The following CCDC18 variants were observed in gnomAD, a reference collection of about 807,000 sequenced individuals.
CCDC18 encodes coiled-coil domain-containing protein 18.
In CCDC18, 157 loss-of-function variants were observed where a neutral mutation model predicts 196.0. That is an observed-to-expected ratio of 0.80 (90% CI 0.70 to 0.91). The LOEUF (loss-of-function observed/expected upper bound fraction) is 0.91. Among genes scored for constraint, CCDC18 ranks in the 40% least tolerant of loss-of-function variants. The probability of loss-of-function intolerance (pLI) is 0.00; values close to 1 mark genes in which losing one functional copy is unlikely to be tolerated. For synonymous variants in CCDC18, 482 were observed against 529.2 expected, an observed-to-expected ratio of 0.91 and a Z score of 1.22; for missense variants, 1,465 against 1,611.6, an observed-to-expected ratio of 0.91 and a Z score of 1.56.
chr1:93,262,051 C>T (rs188657721), intron 26 of CCDC18: 1 of 152,172 alleles, frequency 6.6e-6, no homozygotes, highest in East Asian at 1.9e-4. Context: ...ACTTTTAAAC[C>T]ATCAGATCTC....
At chr1:93,248,266 A>C (rs992063339) in intron 23 of CCDC18, among the ~76,000 whole-genome samples, 8 of 151,730 alleles carry the variant, frequency 5.3e-5, no homozygotes, top group African/African-American at 1.9e-4. Flanking sequence ...CACACACCTC[A>C]GCCTCCCAAA....
chr1:93,231,492 CTT>C (rs1390711769), intron 17 of CCDC18, among the ~76,000 whole-genome samples: 1 of 152,024 alleles, frequency 6.6e-6, no homozygotes, highest in Non-Finnish European at 1.5e-5. Context: ...ACAATCATCA[CTT>C]ATTAAATCTT....
chr1:93,239,523 G>A (rs747011175), intron 20 of CCDC18, 50 bp downstream of exon 20: 15 of 1,545,558 alleles, frequency 9.7e-6, no homozygotes, highest in South Asian at 1.2e-5. Flanking sequence ...TGTACTTAAC[G>A]AAGTGAAATA....
intron 21 of CCDC18, among the ~76,000 whole-genome samples, chr1:93,241,016 G>A (rs2100850308): frequency 6.6e-6 from 1 of 152,070 alleles, no homozygotes. Context: ...GGAGTGCAGT[G>A]GCATGATCTC....
chr1:93,276,607 T>A (rs992875012), intron 28 of CCDC18, among the ~76,000 whole-genome samples: 1 of 151,244 alleles, frequency 6.6e-6, no homozygotes, highest in Non-Finnish European at 1.5e-5. Context: ...GAAAAAAAAA[T>A]GTTAAACCAG....
chr1:93,207,779 CATT>C, intron 9 of CCDC18, among the ~76,000 whole-genome samples: 1 of 152,246 alleles, frequency 6.6e-6, no homozygotes, highest in African/African-American at 2.4e-5. Flanking sequence ...ATTTTGGACC[CATT>C]TATAATTAGT....
At chr1:93,199,484 C>G (rs1199719911) in intron 6 of CCDC18, among the ~76,000 whole-genome samples, 1 of 152,246 alleles carries the variant, frequency 6.6e-6, no homozygotes, top group African/African-American at 2.4e-5. Context: ...GAGGGTGTCA[C>G]AGCCCTGGCT....
At chr1:93,225,303 C>T (rs551843356) in intron 16 of CCDC18, among the ~76,000 whole-genome samples, 3 of 152,230 alleles carry the variant, frequency 2.0e-5, no homozygotes, top group African/African-American at 7.2e-5. Context: ...ACGAAAAGTA[C>T]CAAATTTGAG....
intron 7 of CCDC18, 115 bp from the exon 8 acceptor site, chr1:93,205,395 A>T (rs1654557501): frequency 1.2e-6 from 1 of 857,400 alleles, no homozygotes; most frequent in Non-Finnish European, 1.7e-6. Flanking sequence ...ACTTAAATGT[A>T]TGAAATTCTT....
chr1:93,184,498 T>C (rs1049386665), intron 3 of CCDC18, among the ~76,000 whole-genome samples: 2 of 151,966 alleles, frequency 1.3e-5, no homozygotes. Flanking sequence ...GTAGTTAAGG[T>C]ATACCCACCA....
Position 93,186,391 on chromosome 1 carries a change from G to A in CCDC18, c.350G>A (p.Arg117Gln), listed in dbSNP as rs1007915358. ...GTGGATCAGGAGATTAAAAGCCTTC[G>A]AGAGAAACTAAATAAACTTAGGCAA... Reference protein sequence around the residue: ...APVDQEIKSLREKLNKLRQQN... With the variant: ...APVDQEIKSLQEKLNKLRQQN... The change falls in exon 4 of 29, where the codon CGA (arginine) becomes CAA (glutamine). Residue 117 changes from arginine to glutamine, a missense_variant. Physicochemically the swap from Arg to Gln is conservative, Grantham distance 43. Coordinates refer to ENST00000690025, the MANE Select transcript of CCDC18 (RefSeq NM_001378204.1). 2.5e-5 allele frequency: 40 copies of A among 1,611,846 alleles called. No individual in the cohort carries two copies. Among genetic ancestry groups the A allele is most frequent in the Non-Finnish European group, 3.1e-5 (36 of 1,178,684 alleles).
intron 23 of CCDC18, among the ~76,000 whole-genome samples, chr1:93,250,378 C>CAAAAAAAAAAAAAAAAAAA (rs71094242): frequency 1.1e-5 from 1 of 89,432 alleles, no homozygotes; most frequent in Non-Finnish European, 2.4e-5. Context: ...GAGACCCTGT[C>CAAAAAAAAAAAAAAAAAAA]AAAAAAAAAA....
intron 21 of CCDC18, among the ~76,000 whole-genome samples, chr1:93,245,107 A>G (rs1557682466): frequency 1.3e-5 from 2 of 152,198 alleles, no homozygotes; most frequent in Admixed American, 6.5e-5. Flanking sequence ...CTTTTTTACT[A>G]TTAAATCCAC....
At chr1:93,269,302 G>C (rs950876496) in intron 27 of CCDC18, among the ~76,000 whole-genome samples, 2 of 149,872 alleles carry the variant, frequency 1.3e-5, no homozygotes, top group African/African-American at 2.5e-5. Flanking sequence ...GGGAGGGATA[G>C]CATTAAGAGA....
chr1:93,243,019 A>T (rs1375582596), intron 21 of CCDC18, among the ~76,000 whole-genome samples: 2 of 152,142 alleles, frequency 1.3e-5, no homozygotes, highest in East Asian at 3.9e-4. Flanking sequence ...CTGTCAGTGC[A>T]TCTGTTATTC....
At chr1:93,223,683 C>A (rs1657805842) in intron 16 of CCDC18, among the ~76,000 whole-genome samples, 1 of 152,272 alleles carries the variant, frequency 6.6e-6, no homozygotes, top group South Asian at 2.1e-4. Context: ...ATTAGACTTA[C>A]AGATTTTATT....
chr1:93,249,015 T>C (rs1661888528), intron 23 of CCDC18, among the ~76,000 whole-genome samples: 1 of 152,112 alleles, frequency 6.6e-6, no homozygotes, highest in East Asian at 1.9e-4. Flanking sequence ...TCTTCAATTT[T>C]TTGAAATAGT....
intron 23 of CCDC18, among the ~76,000 whole-genome samples, chr1:93,251,082 G>A (rs1662175914): frequency 6.6e-6 from 1 of 152,068 alleles, no homozygotes; most frequent in South Asian, 2.1e-4. Flanking sequence ...CTGGTAGTAT[G>A]ATTAATTGGT....
At chr1:93,206,669 G>T (rs571129383) in intron 8 of CCDC18, among the ~76,000 whole-genome samples, 1 of 152,226 alleles carries the variant, frequency 6.6e-6, no homozygotes, top group South Asian at 2.1e-4. Context: ...TTGATGCTGG[G>T]CTCTTAAGCT....
Sources: gnomAD v4.1 joint callset for allele counts (sites outside exome capture counted in the v4.1 genomes callset) on GRCh38, gnomAD v4.1.1 for gene constraint, MANE v1.5 for transcripts, NCBI Gene and HGNC (gene_info 2026-07-23, HGNC 2026-07-21) for gene names.